Variants in PDRG1 observed in about 807,000 individuals in gnomAD.
PDRG1 encodes the protein p53 and DNA damage regulated 1, also known as p53 and DNA damage-regulated protein 1.
Under a neutral mutation model 18.4 loss-of-function variants are expected in PDRG1, and 14 were observed. The ratio of observed to expected loss-of-function variants is 0.76; its 90% confidence interval spans 0.50 to 1.19. PDRG1 has a LOEUF of 1.19. PDRG1 is among the 50% of genes most tolerant of loss of function. PDRG1 has a pLI of 0.00. For missense variants in PDRG1, 177 were observed against 160.1 expected, an observed-to-expected ratio of 1.11 and a Z score of -0.57; for synonymous variants, 65 against 60.9, an observed-to-expected ratio of 1.07 and a Z score of -0.31.
chr20:31,947,498 A>C (rs939167593), intron 3 of PDRG1, among the ~76,000 whole-genome samples: 1 of 152,180 alleles, frequency 6.6e-6, no homozygotes, highest in Non-Finnish European at 1.5e-5. Flanking sequence ...CCAGCCCACC[A>C]CCAAGTGCAG....
At chr20:31,949,625 T>C (rs1317429687) in intron 2 of PDRG1, among the ~76,000 whole-genome samples, 1 of 148,386 alleles carries the variant, frequency 6.7e-6, no homozygotes, top group Non-Finnish European at 1.5e-5. Flanking sequence ...CCAGTGTAGG[T>C]GGAGTCATGT....
intron 2 of PDRG1, 30 bp downstream of exon 2, chr20:31,950,282 C>G (rs774567547): frequency 2.6e-6 from 4 of 1,538,596 alleles, no homozygotes; most frequent in Admixed American, 1.7e-5. Context: ...AACAGGCCTC[C>G]AGGGCTGCAC....
At chr20:31,946,692 G>C in intron 3 of PDRG1, 116 bp from the exon 4 acceptor site, 1 of 924,158 alleles carries the variant, frequency 1.1e-6, no homozygotes, top group Non-Finnish European at 1.7e-6. Context: ...GAAGGAAAAG[G>C]GGACATCAGA....
In PDRG1 at chr20:31,951,978, G is replaced by T; in HGVS notation, c.-17C>A. 1 of 1,540,332 alleles carries T rather than the reference G, an allele frequency of 6.5e-7. No individual in the cohort carries two copies. On this transcript the variant is annotated 5_prime_UTR_variant, in exon 1 of 5. Coordinates refer to ENST00000202017, the MANE Select transcript of PDRG1 (RefSeq NM_030815.3). ...TGATAGCATAGCGCCCACCAACTCC[G>T]CTTGCGGCTCTCGCGCGACCCCGGG...
intron 1 of PDRG1, 89 bp downstream of exon 1, chr20:31,951,786 A>G (rs2064354030): frequency 1.0e-5 from 14 of 1,384,258 alleles, no homozygotes; most frequent in Non-Finnish European, 1.3e-5. Context: ...GGAGCCGTTA[A>G]CCGCCTGTCC....
chr20:31,946,408 T>G, intron 4 of PDRG1, 88 bp downstream of exon 4: 1 of 1,274,340 alleles, frequency 7.8e-7, no homozygotes, highest in African/African-American at 1.5e-5. Context: ...TGCCCATCTC[T>G]GAGGGTCGGA....
intron 2 of PDRG1, among the ~76,000 whole-genome samples, chr20:31,949,505 G>A (rs1386500406): frequency 6.6e-6 from 1 of 152,230 alleles, no homozygotes; most frequent in Non-Finnish European, 1.5e-5. Flanking sequence ...CTGGGAGACA[G>A]AGGTTGCAGT....
intron 4 of PDRG1, among the ~76,000 whole-genome samples, chr20:31,946,184 T>C (rs953457155): frequency 1.3e-5 from 2 of 152,228 alleles, no homozygotes; most frequent in African/African-American, 4.8e-5. Context: ...ACTCACTCAC[T>C]GAAGCCTTCT....
At chr20:31,950,188 A>G (rs2123681100) in intron 2 of PDRG1, 124 bp downstream of exon 2, 3 of 799,208 alleles carry the variant, frequency 3.8e-6, no homozygotes, top group East Asian at 5.1e-5. Flanking sequence ...GACTGTTTCA[A>G]TTTCCCACAA....
chr20:31,947,452 T>C (rs2123678610), intron 3 of PDRG1, among the ~76,000 whole-genome samples: 1 of 152,366 alleles, frequency 6.6e-6, no homozygotes, highest in Admixed American at 6.5e-5. Flanking sequence ...AACAAGATCC[T>C]GAACCCAGGC....
intron 3 of PDRG1, among the ~76,000 whole-genome samples, chr20:31,948,388 AAAC>A (rs1244515112): frequency 2.0e-5 from 3 of 152,254 alleles, no homozygotes; most frequent in Non-Finnish European, 2.9e-5. Flanking sequence ...TGCAACGATG[AAAC>A]AACAACCAGG....
At chr20:31,950,768 A>G in intron 1 of PDRG1, among the ~76,000 whole-genome samples, 1 of 152,180 alleles carries the variant, frequency 6.6e-6, no homozygotes, top group Non-Finnish European at 1.5e-5. Flanking sequence ...TGAACTAGTA[A>G]TATGAGAAAC....
At chr20:31,947,753 G>T (rs962317350) in intron 3 of PDRG1, among the ~76,000 whole-genome samples, 1 of 152,166 alleles carries the variant, frequency 6.6e-6, no homozygotes, top group Admixed American at 6.5e-5. Context: ...AGCCACGCAT[G>T]ATGGCATGCA....
intron 1 of PDRG1, among the ~76,000 whole-genome samples, chr20:31,951,385 G>A (rs896784841): frequency 6.6e-6 from 1 of 152,030 alleles, no homozygotes; most frequent in East Asian, 1.9e-4. Flanking sequence ...AGCCAGGGGG[G>A]ATCCTTTTAA....
chr20:31,946,252 G>T (rs2064317485), intron 4 of PDRG1, among the ~76,000 whole-genome samples: 1 of 152,154 alleles, frequency 6.6e-6, no homozygotes, highest in African/African-American at 2.4e-5. Flanking sequence ...TATAACGTGA[G>T]ATCACCCCAA....
chr20:31,946,434 C>T, intron 4 of PDRG1, 62 bp downstream of exon 4: 1 of 1,467,044 alleles, frequency 6.8e-7, no homozygotes. Flanking sequence ...CATCCCTGCC[C>T]TTCAAAGTCC....
At chr20:31,948,220 C>G (rs1175613590) in intron 3 of PDRG1, among the ~76,000 whole-genome samples, 1 of 152,330 alleles carries the variant, frequency 6.6e-6, no homozygotes, top group African/African-American at 2.4e-5. Flanking sequence ...CTCCCAGGCT[C>G]TCTTGCAGCT....
chr20:31,951,804 C>T, intron 1 of PDRG1, 71 bp downstream of exon 1: 1 of 1,481,174 alleles, frequency 6.8e-7, no homozygotes, highest in Non-Finnish European at 9.0e-7. Flanking sequence ...TCCAGGTCAA[C>T]TCACTGCGAC....
rs544933013 is a variant in PDRG1 at position 31,950,081 on chromosome 20, T to C, written c.163+231A>G. On this transcript the variant is annotated intron_variant, in intron 2 of 4. Transcript: ENST00000202017. ...CTCTCTCAGTGTCTGCCATCGTTGA[T>C]AAGCCAGGAGCTAACGACCTGTCAC... Among the ~76,000 whole-genome samples, 37 of 152,350 alleles carry C rather than the reference T, an allele frequency of 2.4e-4. 1 individual carries two copies. Among genetic ancestry groups the C allele is most frequent in the Admixed American group, 1.5e-3 (23 of 15,302 alleles).
Sources: gnomAD v4.1 joint callset for allele counts (sites outside exome capture counted in the v4.1 genomes callset) on GRCh38, gnomAD v4.1.1 for gene constraint, MANE v1.5 for transcripts, NCBI Gene and HGNC (gene_info 2026-07-23, HGNC 2026-07-21) for gene names.